KDM4C: variants seen among roughly 807,000 people sequenced by gnomAD.
KDM4C encodes lysine-specific demethylase 4C.
Under a neutral mutation model 129.3 loss-of-function variants are expected in KDM4C, and 81 were observed. That is an observed-to-expected ratio of 0.63 (90% CI 0.52 to 0.75). The LOEUF (loss-of-function observed/expected upper bound fraction) is 0.75, where lower values mean the gene tolerates loss of function less well. KDM4C is among the 30% of genes least tolerant of loss of function. The pLI, the probability that KDM4C is intolerant of heterozygous loss-of-function variation, is 0.00. For missense variants in KDM4C, 1,457 were observed against 1,304.0 expected (o/e 1.12, Z -1.81); for synonymous variants, 573 against 456.1 (o/e 1.26, Z -3.26).
intron 17 of KDM4C, among the ~76,000 whole-genome samples, chr9:7,062,168 C>T (rs891233775): frequency 2.6e-5 from 4 of 152,156 alleles, no homozygotes; most frequent in African/African-American, 9.7e-5. Flanking sequence ...CGGGGTGTCA[C>T]CGTGTTAGCC....
chr9:6,803,176 G>T (rs1343877624), intron 2 of KDM4C, among the ~76,000 whole-genome samples: 1 of 152,174 alleles, frequency 6.6e-6, no homozygotes, highest in Non-Finnish European at 1.5e-5. Flanking sequence ...TTACACCTGG[G>T]CAGTAGGTCA....
intron 7 of KDM4C, among the ~76,000 whole-genome samples, chr9:6,892,510 G>T (rs935938112): frequency 2.0e-5 from 3 of 152,078 alleles, no homozygotes; most frequent in Non-Finnish European, 4.4e-5. Context: ...ACTTAAAAAT[G>T]CACTCACTCT....
rs1245789853 is a variant in KDM4C, at chr9:6,793,122, G to A, written c.134G>A (p.Gly45Asp). The change falls in exon 2 of 22, where the codon GGT becomes GAT. Residue 45 changes from glycine to aspartate, a missense_variant. By Grantham distance (94) the Gly-to-Asp change is moderately conservative. Coordinates refer to ENST00000381309, the MANE Select transcript of KDM4C (RefSeq NM_015061.6). Reference sequence around the variant, plus strand: ...GAGTCTAAAGGAGCCCATCGTGCGGGTCTTGCAAAGGTGATTATCCTTCGA... The same window carrying A: ...GAGTCTAAAGGAGCCCATCGTGCGGATCTTGCAAAGGTGATTATCCTTCGA... Reference protein sequence around the residue: ...YMESKGAHRAGLAKVIPPKEW... With the variant: ...YMESKGAHRADLAKVIPPKEW... The A allele has an allele frequency of 6.2e-7, 1 of 1,613,842 alleles. No homozygotes were observed. Among genetic ancestry groups the A allele is most frequent in the Non-Finnish European group, 8.5e-7 (1 of 1,179,896 alleles).
Position 7,152,780 on chromosome 9 carries a change from A to G in KDM4C, c.2782-12458A>G, listed in dbSNP as rs148435631. Among the ~76,000 whole-genome samples, 195 of 152,328 alleles carry G rather than the reference A, an allele frequency of 1.3e-3. 1 individual carries two copies. Among genetic ancestry groups the G allele is most frequent in the African/African-American group, 4.3e-3 (179 of 41,580 alleles). On this transcript the variant is annotated intron_variant, in intron 19 of 21. Transcript: ENST00000381309. ...AAGGAGGCGAAGGAACATGGCATGA[A>G]CTCAGTTCCAAGCTCTTGACAAATA...
chr9:6,854,525 C>CAAAAAAAAAAAAA (rs1177446839), intron 5 of KDM4C, among the ~76,000 whole-genome samples: 50 of 41,248 alleles, frequency 1.2e-3, no homozygotes, highest in Non-Finnish European at 1.4e-3. Context: ...AACTCCGTCT[C>CAAAAAAAAAAAAA]AAAAAAAAAA....
chr9:7,097,552 C>T (rs532074445), intron 17 of KDM4C, among the ~76,000 whole-genome samples: 1 of 152,252 alleles, frequency 6.6e-6, no homozygotes, highest in Admixed American at 6.5e-5. Flanking sequence ...GTATTTGGTG[C>T]CCCGCAGGTA....
intron 8 of KDM4C, among the ~76,000 whole-genome samples, chr9:6,963,799 C>T (rs1538844): frequency 0.45 from 68,360 of 152,060 alleles, 16,708 homozygotes; most frequent in South Asian, 0.58. Context: ...CTAACAGCTA[C>T]CTATATGTTT....
intron 18 of KDM4C, among the ~76,000 whole-genome samples, chr9:7,108,506 G>A (rs1777272323): frequency 6.6e-6 from 1 of 152,140 alleles, no homozygotes; most frequent in Non-Finnish European, 1.5e-5. Context: ...CAAAGTGCTG[G>A]GATTACAGGC....
At chr9:6,892,085 A>G (rs1317193423) in intron 7 of KDM4C, among the ~76,000 whole-genome samples, 1 of 152,204 alleles carries the variant, frequency 6.6e-6, no homozygotes, top group African/African-American at 2.4e-5. Flanking sequence ...GCATTTGCTA[A>G]ATACTTTGGC....
rs180781068 is a variant in KDM4C, at chr9:6,855,381, C to G, written c.629+5681C>G. ...GGCTGAGGCAGGAGAATCACTTGAA[C>G]CCAGGAGGCAGAGGTTGTGGTGAGC... is the stretch of plus-strand genomic sequence containing the variant. On this transcript the variant is annotated intron_variant, in intron 5 of 21. Coordinates refer to ENST00000381309, the MANE Select transcript of KDM4C (RefSeq NM_015061.6). Among the ~76,000 whole-genome samples, 469 of 145,986 alleles carry G rather than the reference C, an allele frequency of 3.2e-3. 3 individuals carry two copies. The highest frequency in any genetic ancestry group is 5.7e-3 in the Non-Finnish European group (381 of 67,332).
At chr9:6,930,707 G>T (rs1823552859) in intron 8 of KDM4C, among the ~76,000 whole-genome samples, 1 of 135,316 alleles carries the variant, frequency 7.4e-6, no homozygotes. Flanking sequence ...CATATCATAT[G>T]ATTATACTAT....
At chr9:7,071,204 A>C (rs368374454) in intron 17 of KDM4C, among the ~76,000 whole-genome samples, 1 of 152,214 alleles carries the variant, frequency 6.6e-6, no homozygotes, top group Non-Finnish European at 1.5e-5. Context: ...ATTGGAAGAC[A>C]CATTGTTGTT....
At chr9:7,094,596 G>A (rs1836197597) in intron 17 of KDM4C, among the ~76,000 whole-genome samples, 1 of 152,156 alleles carries the variant, frequency 6.6e-6, no homozygotes, top group Admixed American at 6.5e-5. Flanking sequence ...GAAGGGATGG[G>A]CTCTGGACTG....
In KDM4C at chr9:6,950,339, A is replaced by G. The variant is rs529071073; in HGVS notation, c.922-30586A>G. Among the ~76,000 whole-genome samples the G allele has an allele frequency of 3.3e-5, 5 of 152,282 alleles. No individual in the cohort carries two copies. In the South Asian group the frequency reaches 8.3e-4, roughly 25 times the overall value. On this transcript the variant is annotated intron_variant, in intron 8 of 21. Transcript: ENST00000381309. ...AAATAATCATGGTAAGTAGAAATCTATGTTTAGAATGAAGAAAATTACACT... is the reference window on the plus strand; with the variant it reads ...AAATAATCATGGTAAGTAGAAATCTGTGTTTAGAATGAAGAAAATTACACT...
intron 17 of KDM4C, among the ~76,000 whole-genome samples, chr9:7,088,228 G>A (rs1308204941): frequency 6.6e-6 from 1 of 152,192 alleles, no homozygotes; most frequent in Non-Finnish European, 1.5e-5. Context: ...AAGTGGGCAG[G>A]AGCCATGGGG....
At chr9:6,820,714 CTTTT>C (rs35264767) in intron 4 of KDM4C, among the ~76,000 whole-genome samples, 1,415 of 127,092 alleles carry the variant, frequency 0.011, 24 homozygotes, top group African/African-American at 0.039. Flanking sequence ...CTCTCTCTCT[CTTTT>C]TTTTTTTTTT....
chr9:7,144,104 T>C (rs1842008998), intron 19 of KDM4C, among the ~76,000 whole-genome samples: 1 of 152,076 alleles, frequency 6.6e-6, no homozygotes, highest in Admixed American at 6.5e-5. Flanking sequence ...TCTTTTTGTT[T>C]TTTTTTTGTT....
chr9:6,770,815 G>A (rs1336596896), intron 1 of KDM4C, among the ~76,000 whole-genome samples: 65 of 126,140 alleles, frequency 5.2e-4, no homozygotes, highest in Non-Finnish European at 9.6e-4. Flanking sequence ...TCGCTCTGTC[G>A]CTCAGGCTGG....
chr9:7,078,038 C>G (rs961883976), intron 17 of KDM4C, among the ~76,000 whole-genome samples: 1 of 152,074 alleles, frequency 6.6e-6, no homozygotes, highest in Admixed American at 6.6e-5. Context: ...CTTTAAAAAT[C>G]AAGTTTTGAT....
Sources: gnomAD v4.1 joint callset for allele counts (sites outside exome capture counted in the v4.1 genomes callset) on GRCh38, gnomAD v4.1.1 for gene constraint, MANE v1.5 for transcripts, NCBI Gene and HGNC (gene_info 2026-07-23, HGNC 2026-07-21) for gene names.